Variants in PDSS2 observed in about 807,000 individuals in gnomAD.
PDSS2 encodes decaprenyl diphosphate synthase subunit 2, also known as all trans-polyprenyl-diphosphate synthase PDSS2.
Under a neutral mutation model 44.5 loss-of-function variants are expected in PDSS2, and 31 were observed. The ratio of observed to expected loss-of-function variants is 0.70; its 90% CI spans 0.52 to 0.94. The LOEUF (loss-of-function observed/expected upper bound fraction) is 0.94. PDSS2 is among the 40% of genes least tolerant of loss of function. PDSS2 has a pLI of 0.00. For missense variants in PDSS2, 452 were observed against 482.2 expected, an observed-to-expected ratio of 0.94 and a Z score of 0.59; for synonymous variants, 157 against 180.3, an observed-to-expected ratio of 0.87 and a Z score of 1.03.
intron 1 of PDSS2, among the ~76,000 whole-genome samples, chr6:107,449,126 T>A (rs941296037): frequency 2.6e-5 from 4 of 152,224 alleles, no homozygotes; most frequent in African/African-American, 9.6e-5. Flanking sequence ...TCTACCACAA[T>A]ATTCCTCTTT....
intron 1 of PDSS2, among the ~76,000 whole-genome samples, chr6:107,359,007 CTT>C (rs59632305): frequency 3.2e-5 from 3 of 93,058 alleles, no homozygotes; most frequent in Non-Finnish European, 2.0e-5. Context: ...CATTCTCGCT[CTT>C]TTTTTTTTTT....
intron 1 of PDSS2, among the ~76,000 whole-genome samples, chr6:107,344,456 G>A (rs2115302184): frequency 6.6e-6 from 1 of 152,212 alleles, no homozygotes; most frequent in Non-Finnish European, 1.5e-5. Flanking sequence ...AGGGCCTGAG[G>A]TGACCAGCCT....
At chr6:107,412,233 CT>C (rs1169549611) in intron 1 of PDSS2, among the ~76,000 whole-genome samples, 1,571 of 73,382 alleles carry the variant, frequency 0.021, 2 homozygotes, top group Non-Finnish European at 0.028. Context: ...GTCCTTTGCT[CT>C]TTTTTTTTTT....
chr6:107,203,028 A>C (rs1223791855), intron 6 of PDSS2, among the ~76,000 whole-genome samples: 1 of 152,132 alleles, frequency 6.6e-6, no homozygotes, highest in Admixed American at 6.5e-5. Context: ...TGAAATTTTA[A>C]ATTGCACAGT....
chr6:107,158,601 T>C (rs1194581971), intron 7 of PDSS2, among the ~76,000 whole-genome samples: 1 of 152,250 alleles, frequency 6.6e-6, no homozygotes, highest in Non-Finnish European at 1.5e-5. Flanking sequence ...TGTTCTAGCC[T>C]AGGTTTCCTT....
chr6:107,381,258 C>T (rs1192883815), intron 1 of PDSS2, among the ~76,000 whole-genome samples: 2 of 152,136 alleles, frequency 1.3e-5, no homozygotes, highest in Admixed American at 6.5e-5. Context: ...GAGCCAAATC[C>T]AGCCCATCTT....
At chr6:107,189,878 G>A (rs1327661310) in intron 7 of PDSS2, among the ~76,000 whole-genome samples, 2 of 151,994 alleles carry the variant, frequency 1.3e-5, no homozygotes, top group Admixed American at 6.6e-5. Flanking sequence ...GGGTAACAGC[G>A]AGACCTCGTT....
At chr6:107,449,795 T>A (rs1429130752) in intron 1 of PDSS2, among the ~76,000 whole-genome samples, 1 of 152,166 alleles carries the variant, frequency 6.6e-6, no homozygotes, top group East Asian at 1.9e-4. Context: ...GGTCTCAAAC[T>A]CCTGGCCTCA....
intron 2 of PDSS2, among the ~76,000 whole-genome samples, chr6:107,328,009 A>AG (rs1777601732): frequency 6.6e-6 from 1 of 152,250 alleles, no homozygotes; most frequent in South Asian, 2.1e-4. Flanking sequence ...GTTATACAGA[A>AG]GATCCAGTCA....
chr6:107,252,760 T>G (rs1450277503), intron 3 of PDSS2, among the ~76,000 whole-genome samples: 10 of 152,102 alleles, frequency 6.6e-5, no homozygotes. Context: ...GAGATACCCA[T>G]CTCAACAAAA....
At chr6:107,273,875 C>G (rs1222964071) in intron 3 of PDSS2, among the ~76,000 whole-genome samples, 154 bp downstream of exon 3, 1 of 152,184 alleles carries the variant, frequency 6.6e-6, no homozygotes, top group Non-Finnish European at 1.5e-5. Context: ...CTGGTACTAA[C>G]ACTGCCATCA....
chr6:107,406,178 A>G (rs1379764366), intron 1 of PDSS2, among the ~76,000 whole-genome samples: 2 of 152,172 alleles, frequency 1.3e-5, no homozygotes, highest in Non-Finnish European at 2.9e-5. Flanking sequence ...GGTATAAGCA[A>G]TCGGTCAGGT....
intron 1 of PDSS2, among the ~76,000 whole-genome samples, chr6:107,389,101 T>C (rs1779701963): frequency 6.6e-6 from 1 of 152,142 alleles, no homozygotes; most frequent in South Asian, 2.1e-4. Context: ...CAAAAGGGAA[T>C]ACAAGGGAAC....
At chr6:107,176,697 T>C (rs961797400) in intron 7 of PDSS2, among the ~76,000 whole-genome samples, 1 of 152,190 alleles carries the variant, frequency 6.6e-6, no homozygotes, top group Non-Finnish European at 1.5e-5. Flanking sequence ...ACAGCTCATT[T>C]CGTACAAATT....
chr6:107,342,519 G>A (rs374446754), intron 1 of PDSS2, among the ~76,000 whole-genome samples: 2 of 152,076 alleles, frequency 1.3e-5, no homozygotes, highest in Admixed American at 6.6e-5. Context: ...CCGTATCAAA[G>A]GGTCTATTTA....
chr6:107,248,516 TAAAA>T (rs34881663), intron 3 of PDSS2, among the ~76,000 whole-genome samples: 50 of 122,198 alleles, frequency 4.1e-4, no homozygotes, highest in Non-Finnish European at 4.6e-4. Context: ...AGGGAACTGT[TAAAA>T]AAAAAAAAAA....
chr6:107,317,735 C>T (rs1488525552), intron 2 of PDSS2, among the ~76,000 whole-genome samples: 1 of 152,114 alleles, frequency 6.6e-6, no homozygotes, highest in Non-Finnish European at 1.5e-5. Flanking sequence ...CACCTTTTAC[C>T]GTTTGAAAAT....
At chr6:107,218,856 G>C (rs975178857) in intron 4 of PDSS2, among the ~76,000 whole-genome samples, 3 of 152,144 alleles carry the variant, frequency 2.0e-5, no homozygotes, top group African/African-American at 7.2e-5. Context: ...TCAGGAGTTT[G>C]AGACCAGCCT....
intron 1 of PDSS2, among the ~76,000 whole-genome samples, chr6:107,372,983 CT>C (rs11330558): frequency 0.4 from 53,727 of 135,944 alleles, 11,152 homozygotes; most frequent in South Asian, 0.58. Context: ...GTCTAATAAT[CT>C]TTTTTTTTTT....
Sources: allele counts gnomAD v4.1 joint callset (sites outside exome capture counted in the v4.1 genomes callset), GRCh38; gene constraint gnomAD v4.1.1; transcripts MANE v1.5; gene names NCBI Gene and HGNC (gene_info 2026-07-23, HGNC 2026-07-21).